The following SLC5A4 variants were observed in gnomAD, a reference collection of about 807,000 sequenced individuals.
The protein encoded by SLC5A4 is probable glucose sensor protein SLC5A4.
SLC5A4 carries 55 observed loss-of-function variants against 70.3 expected under a neutral mutation model. The ratio of observed to expected loss-of-function variants is 0.78; its 90% CI spans 0.63 to 0.98. The LOEUF (loss-of-function observed/expected upper bound fraction) is 0.98. SLC5A4 is among the 50% of genes least tolerant of loss of function. The pLI, the probability that SLC5A4 is intolerant of heterozygous loss-of-function variation, is 0.00. For missense variants in SLC5A4, 735 were observed against 839.2 expected (o/e 0.88, Z 1.53); for synonymous variants, 268 against 305.7 (o/e 0.88, Z 1.29).
the SLC5A4 span, among the ~76,000 whole-genome samples, chr22:32,353,262 C>G: frequency 5.2e-3 from 798 of 152,220 alleles, 2 homozygotes; most frequent in Non-Finnish European, 9.2e-3. Flanking sequence ...GCAGGAGCAG[C>G]AAAAACTGAA....
chr22:32,301,842 CA>C, the SLC5A4 span, among the ~76,000 whole-genome samples: 41,844 of 147,508 alleles, frequency 0.28, 6,430 homozygotes, highest in African/African-American at 0.42. Flanking sequence ...ATTTAAAGTA[CA>C]AAAAAAAAAA....
the SLC5A4 span, among the ~76,000 whole-genome samples, chr22:32,342,058 G>A: frequency 1.3e-5 from 2 of 152,314 alleles, no homozygotes; most frequent in Admixed American, 6.5e-5. Flanking sequence ...CCAGTGGCTA[G>A]TACAGTCCCT....
chr22:32,283,424 C>G, the SLC5A4 span, among the ~76,000 whole-genome samples: 1 of 152,236 alleles, frequency 6.6e-6, no homozygotes, highest in African/African-American at 2.4e-5. Context: ...ACGTGACACA[C>G]TTTAAAGTTG....
At chr22:32,283,908 A>T in the SLC5A4 span, among the ~76,000 whole-genome samples, 1 of 152,232 alleles carries the variant, frequency 6.6e-6, no homozygotes, top group Non-Finnish European at 1.5e-5. Flanking sequence ...CATGCTGTGT[A>T]ATTTTATGCA....
chr22:32,266,046 A>T, the SLC5A4 span, among the ~76,000 whole-genome samples: 1 of 152,224 alleles, frequency 6.6e-6, no homozygotes, highest in Non-Finnish European at 1.5e-5. Context: ...AGGAAGAAAC[A>T]CTTGATCAGG....
chr22:32,282,912 T>C, the SLC5A4 span, among the ~76,000 whole-genome samples: 2 of 152,226 alleles, frequency 1.3e-5, no homozygotes, highest in Non-Finnish European at 2.9e-5. Flanking sequence ...TCCATCCTAG[T>C]GCAAGCCACC....
chr22:32,227,763 C>T (rs1335139842), intron 11 of SLC5A4, among the ~76,000 whole-genome samples: 1 of 151,950 alleles, frequency 6.6e-6, no homozygotes, highest in African/African-American at 2.4e-5. Context: ...GGTGAAACCC[C>T]GTCTCTACTA....
chr22:32,325,808 C>T, the SLC5A4 span, among the ~76,000 whole-genome samples: 4 of 152,262 alleles, frequency 2.6e-5, no homozygotes, highest in Non-Finnish European at 5.9e-5. Context: ...GACAATGTCA[C>T]TAGCCCAAAA....
chr22:32,352,840 C>T, the SLC5A4 span, among the ~76,000 whole-genome samples: 1 of 152,244 alleles, frequency 6.6e-6, no homozygotes, highest in African/African-American at 2.4e-5. Context: ...CATCCTACCG[C>T]TCTGGTGCTC....
chr22:32,331,064 G>A, the SLC5A4 span, among the ~76,000 whole-genome samples: 1 of 118,930 alleles, frequency 8.4e-6, no homozygotes, highest in Non-Finnish European at 1.8e-5. Context: ...TGGAGGCTCT[G>A]GTGTGTATGT....
At chr22:32,318,827 T>C in the SLC5A4 span, among the ~76,000 whole-genome samples, 2 of 152,230 alleles carry the variant, frequency 1.3e-5, no homozygotes, top group Non-Finnish European at 2.9e-5. Flanking sequence ...CTCCCTGTCC[T>C]ATTCCTCACT....
chr22:32,342,433 T>G, the SLC5A4 span, among the ~76,000 whole-genome samples: 4 of 151,936 alleles, frequency 2.6e-5, no homozygotes, highest in South Asian at 4.1e-4. Context: ...GATATAACTA[T>G]AGAGAGAAAA....
At position 32,218,564 on chromosome 22, in the gene SLC5A4, C is replaced by T. The variant is rs1471251183; in HGVS notation, c.1930G>A (p.Ala644Thr). 3 of 1,613,642 alleles carry T rather than the reference C, an allele frequency of 1.9e-6. No homozygotes were observed. The highest frequency in any genetic ancestry group is 2.2e-5 in the South Asian group (2 of 91,066). The change falls in exon 15 of 15, where the codon GCC (alanine) becomes ACC (threonine). Residue 644 changes from alanine (A) to threonine (T), a missense_variant. Coordinates refer to ENST00000266086, the MANE Select transcript of SLC5A4 (RefSeq NM_014227.3). Reference sequence around the variant, plus strand: ...ACCACCACAGCCAGGAGGAGGATGGCGTTGATGTTCACTATTGTCCTCCAC... The same window carrying T: ...ACCACCACAGCCAGGAGGAGGATGGTGTTGATGTTCACTATTGTCCTCCAC... Reference protein sequence around the residue: ...PSWRTIVNINAILLLAVVVFI... With the variant: ...PSWRTIVNINTILLLAVVVFI...
chr22:32,344,090 G>C, the SLC5A4 span, among the ~76,000 whole-genome samples: 1 of 152,160 alleles, frequency 6.6e-6, no homozygotes, highest in Non-Finnish European at 1.5e-5. Context: ...AATTCAGCTT[G>C]TGTGATAGAT....
the SLC5A4 span, among the ~76,000 whole-genome samples, chr22:32,352,659 C>G: frequency 6.6e-6 from 1 of 152,146 alleles, no homozygotes; most frequent in Non-Finnish European, 1.5e-5. Context: ...GGGCTGCCCC[C>G]CAACGCTCCG....
At position 32,218,561 on chromosome 22, in the gene SLC5A4, T is replaced by G. The variant is rs1364627740; in HGVS notation, c.1933A>C (p.Ile645Leu). The G allele has an allele frequency of 6.2e-7, 1 of 1,613,704 alleles. No individual in the cohort carries two copies. The highest frequency in any genetic ancestry group is 1.1e-5 in the South Asian group (1 of 91,070). The change falls in exon 15 of 15, where the codon ATC (isoleucine) becomes CTC (leucine). Residue 645 changes from isoleucine to leucine, a missense_variant. Coordinates refer to ENST00000266086, the MANE Select transcript of SLC5A4 (RefSeq NM_014227.3). ...SWRTIVNINA[I>L]LLLAVVVFIH... ...AAGACCACCACAGCCAGGAGGAGGA[T>G]GGCGTTGATGTTCACTATTGTCCTC... is the stretch of plus-strand genomic sequence containing the variant.
chr22:32,248,219 C>T (rs1926943164), intron 4 of SLC5A4, among the ~76,000 whole-genome samples: 1 of 152,114 alleles, frequency 6.6e-6, no homozygotes, highest in African/African-American at 2.4e-5. Flanking sequence ...ACAGATTTAC[C>T]CAAACACTGT....
the SLC5A4 span, among the ~76,000 whole-genome samples, chr22:32,303,733 T>G: frequency 1.3e-5 from 2 of 152,244 alleles, no homozygotes; most frequent in Admixed American, 6.5e-5. Flanking sequence ...TTCTTCCAAG[T>G]TTCGGCAATT....
At chr22:32,310,335 C>T in the SLC5A4 span, among the ~76,000 whole-genome samples, 3 of 152,180 alleles carry the variant, frequency 2.0e-5, no homozygotes, top group Non-Finnish European at 4.4e-5. Flanking sequence ...ACTGAGGGAA[C>T]AGACCTTGCC....
Sources: gnomAD v4.1 joint callset for allele counts (sites outside exome capture counted in the v4.1 genomes callset) on GRCh38, gnomAD v4.1.1 for gene constraint, MANE v1.5 for transcripts, NCBI Gene and HGNC (gene_info 2026-07-23, HGNC 2026-07-21) for gene names.